NDUFA5: variants seen among roughly 807,000 people sequenced by gnomAD.
The protein encoded by NDUFA5 is NADH dehydrogenase [ubiquinone] 1 alpha subcomplex subunit 5.
A neutral mutation model predicts 19.8 loss-of-function variants in NDUFA5; 11 were observed. The observed-to-expected ratio is 0.56, with a 90% CI of 0.35 to 0.92. The LOEUF (loss-of-function observed/expected upper bound fraction) is 0.92, where lower values mean the gene tolerates loss of function less well. Ranked by LOEUF, NDUFA5 falls within the 40% of genes least tolerant of loss-of-function variation. The probability of loss-of-function intolerance (pLI) is 0.01; values close to 1 mark genes in which losing one functional copy is unlikely to be tolerated. For missense variants in NDUFA5, 109 were observed against 134.2 expected, an observed-to-expected ratio of 0.81 and a Z score of 0.93; for synonymous variants, 47 against 46.8, an observed-to-expected ratio of 1.00 and a Z score of -0.01.
At chr7:123,601,082 A>G in the NDUFA5 span, among the ~76,000 whole-genome samples, 12 of 152,224 alleles carry the variant, frequency 7.9e-5, no homozygotes, top group African/African-American at 2.7e-4. Flanking sequence ...GATAGAGGCC[A>G]GATGGCTTTG....
chr7:123,577,040 T>C, the NDUFA5 span, among the ~76,000 whole-genome samples: 23 of 152,314 alleles, frequency 1.5e-4, no homozygotes, highest in East Asian at 3.5e-3. Context: ...AATTATTCTC[T>C]TATTGATATC....
upstream of NDUFA5, among the ~76,000 whole-genome samples, chr7:123,559,572 T>C (rs1010906207): frequency 1.3e-5 from 2 of 152,000 alleles, no homozygotes; most frequent in Non-Finnish European, 2.9e-5. Flanking sequence ...AAAAGAAAAC[T>C]TCGGCTGGGC....
In NDUFA5 at chr7:123,541,037, C is replaced by T. The variant is rs1016743715; in HGVS notation, c.*1082G>A. 21 of 152,092 alleles carry T rather than the reference C, an allele frequency of 1.4e-4. No individual in the cohort carries two copies. Among genetic ancestry groups the T allele is most frequent in the African/African-American group, 3.4e-4 (14 of 41,484 alleles). 9.4% of individuals were successfully genotyped at this position (152,092 alleles called of 1,614,324 possible). On this transcript the variant is annotated 3_prime_UTR_variant, in exon 5 of 5. Coordinates refer to ENST00000355749, the MANE Select transcript of NDUFA5 (RefSeq NM_005000.5). ...TAGGAATGACAGGGAGCTAGGAAGG[C>T]GAAAACACATGTAATTTTATTTTTG...
At chr7:123,543,522 T>C (rs1244177264) in intron 4 of NDUFA5, among the ~76,000 whole-genome samples, 2 of 152,186 alleles carry the variant, frequency 1.3e-5, no homozygotes, top group African/African-American at 4.8e-5. Context: ...CAGATTTTGA[T>C]GACTTCATAT....
At chr7:123,596,691 C>T in the NDUFA5 span, among the ~76,000 whole-genome samples, 2 of 151,976 alleles carry the variant, frequency 1.3e-5, no homozygotes, top group African/African-American at 2.4e-5. Flanking sequence ...AAGTTTTCTT[C>T]GTTAAATTTA....
In NDUFA5 at chr7:123,557,440, G is replaced by A; in HGVS notation, c.30C>T (p.Gly10=). MAGVLKKTT[G]LVGLAVCNTP... ...TATTGCACACAGCCAATCCCACAAG[G>A]CCAGTGGTCTGTTCAAAAACAAAAC... The change falls in exon 2 of 5, where the codon GGC becomes GGT. Residue 10 remains glycine, a synonymous_variant. Transcript: ENST00000355749. 6.2e-7 allele frequency: 1 copy of A among 1,612,728 alleles called. No individual in the cohort carries two copies.
chr7:123,599,298 C>T, the NDUFA5 span, among the ~76,000 whole-genome samples: 2 of 152,244 alleles, frequency 1.3e-5, no homozygotes, highest in East Asian at 3.9e-4. Flanking sequence ...AATAGGATAA[C>T]TTAAAGTAGG....
intron 3 of NDUFA5, among the ~76,000 whole-genome samples, chr7:123,548,538 T>G (rs1465137893): frequency 6.6e-6 from 1 of 151,912 alleles, no homozygotes; most frequent in African/African-American, 2.4e-5. Flanking sequence ...TTCCAGGAAA[T>G]GAGAAAATAC....
upstream of NDUFA5, chr7:123,557,845 G>C: frequency 2.5e-6 from 4 of 1,607,064 alleles, no homozygotes; most frequent in Non-Finnish European, 3.4e-6. Context: ...ACAATTCTCA[G>C]ACCTGCTCAA....
At chr7:123,550,415 TA>T in intron 3 of NDUFA5, 54 bp downstream of exon 3, 1 of 465,830 alleles carries the variant, frequency 2.1e-6, no homozygotes, top group Non-Finnish European at 3.6e-6. Context: ...AATAAGGAAC[TA>T]AACTTTTTTG....
intron 4 of NDUFA5, among the ~76,000 whole-genome samples, chr7:123,542,555 C>T (rs1422808725): frequency 6.6e-6 from 1 of 152,148 alleles, no homozygotes; most frequent in Non-Finnish European, 1.5e-5. Context: ...GGCTTTCAAA[C>T]TTTATTTTAC....
intron 3 of NDUFA5, 129 bp from the exon 4 acceptor site, chr7:123,545,805 T>G: frequency 1.6e-6 from 1 of 607,048 alleles, no homozygotes; most frequent in South Asian, 2.2e-5. Context: ...CTCTTTTTAC[T>G]AAATATTTGG....
At chr7:123,546,940 A>T (rs1253867021) in intron 3 of NDUFA5, 1 of 378,426 alleles carries the variant, frequency 2.6e-6, no homozygotes, top group Non-Finnish European at 5.1e-6. Context: ...GATTTTCCTG[A>T]ATTATCCATA....
chr7:123,563,467 G>A, the NDUFA5 span, among the ~76,000 whole-genome samples: 2 of 152,048 alleles, frequency 1.3e-5, no homozygotes, highest in Non-Finnish European at 2.9e-5. Flanking sequence ...GTCTTATATG[G>A]GTGTGGTTTG....
chr7:123,554,044 T>G (rs1030448320), intron 2 of NDUFA5, among the ~76,000 whole-genome samples: 4 of 152,176 alleles, frequency 2.6e-5, no homozygotes, highest in African/African-American at 9.7e-5. Context: ...TGGTATATAG[T>G]TCTATTTTCT....
chr7:123,566,837 T>C, the NDUFA5 span, among the ~76,000 whole-genome samples: 1 of 152,220 alleles, frequency 6.6e-6, no homozygotes, highest in African/African-American at 2.4e-5. Context: ...GACCTTATTT[T>C]TCAAACGAGG....
the NDUFA5 span, among the ~76,000 whole-genome samples, chr7:123,563,107 G>A: frequency 3.3e-5 from 5 of 151,916 alleles, no homozygotes; most frequent in Non-Finnish European, 7.4e-5. Context: ...GGCCTGTTTT[G>A]CCTTTTTATC....
chr7:123,579,684 G>A, the NDUFA5 span, among the ~76,000 whole-genome samples: 1 of 152,004 alleles, frequency 6.6e-6, no homozygotes, highest in Admixed American at 6.6e-5. Context: ...TGGGAGTTGA[G>A]TTAATTTGGC....
chr7:123,570,327 C>T, the NDUFA5 span, among the ~76,000 whole-genome samples: 3 of 152,064 alleles, frequency 2.0e-5, no homozygotes, highest in Non-Finnish European at 4.4e-5. Context: ...TGAGCCACCG[C>T]GCCCAGCCTG....
Sources: gnomAD v4.1 joint callset for allele counts (sites outside exome capture counted in the v4.1 genomes callset) on GRCh38, gnomAD v4.1.1 for gene constraint, MANE v1.5 for transcripts, NCBI Gene and HGNC (gene_info 2026-07-23, HGNC 2026-07-21) for gene names.